Variants in MTR observed in about 807,000 individuals in gnomAD.
MTR encodes the protein methionine synthase.
Under a neutral mutation model 154.8 loss-of-function variants are expected in MTR, and 84 were observed. That is an observed-to-expected ratio of 0.54 (90% CI 0.45 to 0.65). MTR has a LOEUF of 0.65. Ranked by LOEUF, MTR falls within the 30% of genes least tolerant of loss-of-function variation. The pLI, the probability that MTR is intolerant of heterozygous loss-of-function variation, is 0.00. For synonymous variants in MTR, 554 were observed against 553.9 expected (o/e 1.00, Z 0.00); for missense variants, 1,275 against 1,570.2 (o/e 0.81, Z 3.18).
chr1:236,802,803 T>C (rs573385543), intron 1 of MTR, among the ~76,000 whole-genome samples: 2 of 152,314 alleles, frequency 1.3e-5, no homozygotes, highest in East Asian at 3.9e-4. Flanking sequence ...GTTTTGTGGC[T>C]TTCCAGTAGG....
intron 13 of MTR, among the ~76,000 whole-genome samples, chr1:236,833,417 A>G (rs1024688360): frequency 2.0e-5 from 3 of 152,258 alleles, no homozygotes; most frequent in African/African-American, 7.2e-5. Context: ...TCATTTAATC[A>G]TCACAGCCTG....
chr1:236,822,298 G>A (rs1319497382), intron 8 of MTR, among the ~76,000 whole-genome samples: 2 of 145,178 alleles, frequency 1.4e-5, no homozygotes, highest in Admixed American at 7.1e-5. Context: ...AAATGGTTTT[G>A]TGGGGTTTTT....
chr1:236,841,484 A>G (rs149627018), intron 15 of MTR, among the ~76,000 whole-genome samples: 1 of 152,170 alleles, frequency 6.6e-6, no homozygotes, highest in Admixed American at 6.5e-5. Context: ...GAGGACTGTC[A>G]TACTACTTTT....
At chr1:236,875,548 C>T (rs1665383553) in intron 24 of MTR, among the ~76,000 whole-genome samples, 1 of 152,164 alleles carries the variant, frequency 6.6e-6, no homozygotes, top group Non-Finnish European at 1.5e-5. Context: ...AGTTCACTTT[C>T]TCAGCATTAT....
Position 236,848,401 on chromosome 1 carries a change from TG to T in MTR, c.1516-1942del, listed in dbSNP as rs937523590. ...TAATACTAGTAGCATTGGTCGCCCC[TG>T]TGCCTTCTCTCTTAGTGAGCTTAGA... On this transcript the variant is annotated intron_variant, in intron 15 of 32. Coordinates refer to ENST00000366577, the MANE Select transcript of MTR (RefSeq NM_000254.3). Among the ~76,000 whole-genome samples the T allele has an allele frequency of 1.8e-4, 28 of 152,188 alleles. 1 individual carries two copies.
chr1:236,871,352 G>C (rs1312595654), intron 22 of MTR, among the ~76,000 whole-genome samples: 1 of 152,034 alleles, frequency 6.6e-6, no homozygotes, highest in Admixed American at 6.6e-5. Flanking sequence ...CTCCGTTTCT[G>C]TTCCAGCCAC....
At chr1:236,871,713 G>A (rs1475289445) in intron 22 of MTR, among the ~76,000 whole-genome samples, 1 of 152,098 alleles carries the variant, frequency 6.6e-6, no homozygotes, top group Non-Finnish European at 1.5e-5. Context: ...AACCTGCAGT[G>A]GTTATACATC....
rs1171817130 is a variant in MTR, at chr1:236,874,858, T to C, written c.2594+12T>C. On this transcript the variant is annotated intron_variant, in intron 24 of 32. Coordinates refer to ENST00000366577, the MANE Select transcript of MTR (RefSeq NM_000254.3). ...GCAACCACTTCAAAGTAAGTTATACTAATGAGCTTTGTCCTCACTTCAAAT... is the reference window on the plus strand; with the variant it reads ...GCAACCACTTCAAAGTAAGTTATACCAATGAGCTTTGTCCTCACTTCAAAT... 1.2e-6 allele frequency: 2 copies of C among 1,613,558 alleles called. No homozygotes were observed. Among genetic ancestry groups the C allele is most frequent in the East Asian group, 2.2e-5 (1 of 44,816 alleles).
chr1:236,894,216 A>G, intron 29 of MTR, 141 bp from the exon 30 acceptor site: 4 of 747,972 alleles, frequency 5.3e-6, no homozygotes, highest in Non-Finnish European at 9.5e-6. Context: ...CTGGGGATGT[A>G]ACAGTGCACA....
intron 15 of MTR, among the ~76,000 whole-genome samples, chr1:236,846,399 A>G (rs1363403873): frequency 1.3e-5 from 2 of 152,238 alleles, no homozygotes; most frequent in East Asian, 3.8e-4. Flanking sequence ...AGAATAGTCT[A>G]TATTAGTTTT....
At chr1:236,825,746 T>C (rs1291270545) in intron 10 of MTR, among the ~76,000 whole-genome samples, 1 of 152,180 alleles carries the variant, frequency 6.6e-6, no homozygotes, top group African/African-American at 2.4e-5. Context: ...GATGTCCCCC[T>C]GGCCGCCCAT....
chr1:236,850,454 C>A lies in MTR; in HGVS notation c.1626C>A (p.Thr542=). ...NDIIFDPNIL[T]IGTGMEEHNL... is the part of the protein sequence containing the mutation. ...TTATTTTTGACCCTAATATCCTAAC[C>A]ATTGGGACTGGAATGGAGGAACACA... The change falls in exon 16 of 33, where the codon ACC becomes ACA. Residue 542 remains threonine, a synonymous_variant. Transcript: ENST00000366577. The A allele has an allele frequency of 6.2e-7, 1 of 1,613,718 alleles. No individual in the cohort carries two copies. Among genetic ancestry groups the A allele is most frequent in the Non-Finnish European group, 8.5e-7 (1 of 1,179,890 alleles).
At chr1:236,815,462 A>G in intron 6 of MTR, 142 bp from the exon 7 acceptor site, 1 of 811,138 alleles carries the variant, frequency 1.2e-6, no homozygotes, top group South Asian at 1.4e-5. Flanking sequence ...TGTGCCTTAT[A>G]AGGAAGACAC....
rs1435275093 is a variant in MTR at position 236,902,608 on chromosome 1, G to A, written c.*4964G>A. 2.0e-5 allele frequency: 3 copies of A among 152,140 alleles called. No individual in the cohort carries two copies. Among genetic ancestry groups the A allele is most frequent in the East Asian group, 3.9e-4 (2 of 5,186 alleles). The allele number at this position is 152,140 out of a possible 1,614,324, so 9.4% of individuals were successfully genotyped here. ...GGGCCCTGCCTCTTCCTGAGCTCAG[G>A]ATACCCAGAGCCTAGCTCAGTGCCT... On this transcript the variant is annotated 3_prime_UTR_variant, in exon 33 of 33. Transcript: ENST00000366577.
intron 27 of MTR, 100 bp downstream of exon 27, chr1:236,886,467 T>A: frequency 9.4e-7 from 1 of 1,065,760 alleles, no homozygotes; most frequent in Non-Finnish European, 1.4e-6. Context: ...AACCAGCAGC[T>A]AACGACTCTC....
At chr1:236,895,288 G>T in intron 30 of MTR, 70 bp from the exon 31 acceptor site, 1 of 1,505,054 alleles carries the variant, frequency 6.6e-7, no homozygotes, top group East Asian at 2.4e-5. Context: ...CTAATTCAGG[G>T]GGTGGAGGCT....
At position 236,891,190 on chromosome 1, in the gene MTR, G is replaced by A. The variant is rs758208273; in HGVS notation, c.3065G>A (p.Ser1022Asn). The A allele has an allele frequency of 6.2e-7, 1 of 1,614,184 alleles. No individual in the cohort carries two copies. Among genetic ancestry groups the A allele is most frequent in the Non-Finnish European group, 8.5e-7 (1 of 1,180,036 alleles). ...CACAATATGCTGAACACACTGATTAGTCAAAAGAAACTCCGGGCCCGGGGT... is the reference window on the plus strand; with the variant it reads ...CACAATATGCTGAACACACTGATTAATCAAAAGAAACTCCGGGCCCGGGGT... Reference protein sequence around the residue: ...DAHNMLNTLISQKKLRARGVV... With the variant: ...DAHNMLNTLINQKKLRARGVV... Residue 1022 changes from serine (S) to asparagine (N), a missense_variant, in exon 29 of 33, where the codon AGT becomes AAT. Ser to Asn is a conservative substitution (Grantham distance 46, BLOSUM62 1). Transcript: ENST00000366577.
chr1:236,803,208 C>T (rs1353518261), intron 1 of MTR, among the ~76,000 whole-genome samples: 1 of 152,158 alleles, frequency 6.6e-6, no homozygotes, highest in African/African-American at 2.4e-5. Flanking sequence ...TGGTTTCGTG[C>T]TTCACCAGGA....
intron 18 of MTR, among the ~76,000 whole-genome samples, chr1:236,853,481 G>A (rs1018035163): frequency 7.9e-5 from 12 of 152,132 alleles, no homozygotes; most frequent in Non-Finnish European, 1.6e-4. Flanking sequence ...AGTGATGGGA[G>A]TTTTTATTTC....
Sources: allele counts gnomAD v4.1 joint callset (sites outside exome capture counted in the v4.1 genomes callset), GRCh38; gene constraint gnomAD v4.1.1; transcripts MANE v1.5; gene names NCBI Gene and HGNC (gene_info 2026-07-23, HGNC 2026-07-21).